The following LRRC3B variants were observed in gnomAD, a reference collection of about 807,000 sequenced individuals.
The protein encoded by LRRC3B is leucine-rich repeat-containing protein 3B.
A neutral mutation model predicts 12.8 loss-of-function variants in LRRC3B; 2 were observed. The ratio of observed to expected loss-of-function variants is 0.16; its 90% CI spans 0.06 to 0.49. The LOEUF is 0.49. LRRC3B is among the 20% of genes least tolerant of loss of function. The probability of loss-of-function intolerance (pLI) is 0.96; values close to 1 mark genes in which losing one functional copy is unlikely to be tolerated. For missense variants in LRRC3B, 189 were observed against 319.4 expected (o/e 0.59, Z 3.11); for synonymous variants, 132 against 122.0 (o/e 1.08, Z -0.54).
chr3:26,646,640 A>G (rs1699156638), intron 1 of LRRC3B, among the ~76,000 whole-genome samples: 1 of 144,388 alleles, frequency 6.9e-6, no homozygotes, highest in Non-Finnish European at 1.5e-5. Context: ...AAAAAAACGG[A>G]TTTTAACATG....
intron 1 of LRRC3B, among the ~76,000 whole-genome samples, chr3:26,657,226 T>G (rs1699390274): frequency 6.6e-6 from 1 of 152,110 alleles, no homozygotes; most frequent in African/African-American, 2.4e-5. Context: ...AATAGTAAAT[T>G]TTATCAAAGA....
intron 1 of LRRC3B, among the ~76,000 whole-genome samples, chr3:26,702,144 G>A (rs1366838067): frequency 6.6e-6 from 1 of 152,272 alleles, no homozygotes. Context: ...GAACCTCATG[G>A]TCTAGCAGTA....
chr3:26,692,251 A>G (rs1700207447), intron 1 of LRRC3B, among the ~76,000 whole-genome samples: 3 of 152,212 alleles, frequency 2.0e-5, no homozygotes, highest in Non-Finnish European at 4.4e-5. Flanking sequence ...TGAGTAAGGC[A>G]AGGTTAATAT....
At chr3:26,662,490 C>T (rs1356237013) in intron 1 of LRRC3B, among the ~76,000 whole-genome samples, 1 of 152,120 alleles carries the variant, frequency 6.6e-6, no homozygotes, top group Non-Finnish European at 1.5e-5. Context: ...CCAGCCCCTC[C>T]TCTGAAATCT....
chr3:26,627,545 G>A (rs1447724425), intron 1 of LRRC3B, among the ~76,000 whole-genome samples: 2 of 152,060 alleles, frequency 1.3e-5, no homozygotes, highest in Non-Finnish European at 2.9e-5. Context: ...GAAGATGGAG[G>A]TGAGGCTTGG....
intron 1 of LRRC3B, among the ~76,000 whole-genome samples, chr3:26,628,863 AT>A (rs1356112961): frequency 7.3e-4 from 108 of 147,794 alleles, no homozygotes; most frequent in African/African-American, 2.6e-3. Context: ...AAAAAAAAAA[AT>A]CCTCCACAAA....
chr3:26,643,014 T>TAAAAAAAAAAA (rs1575120635), intron 1 of LRRC3B, among the ~76,000 whole-genome samples: 1 of 128,680 alleles, frequency 7.8e-6, no homozygotes, highest in African/African-American at 3.7e-5. Flanking sequence ...AGACTCCGTT[T>TAAAAAAAAAAA]CAAAAAAAAA....
chr3:26,709,586 A>G, exon 2 of LRRC3B: 1 of 1,315,662 alleles, frequency 7.6e-7, no homozygotes, highest in Non-Finnish European at 1.1e-6. Flanking sequence ...GCAAGAAGGA[A>G]ATCAATAGTG....
At chr3:26,692,836 G>C (rs975496715) in intron 1 of LRRC3B, among the ~76,000 whole-genome samples, 1 of 152,170 alleles carries the variant, frequency 6.6e-6, no homozygotes, top group Non-Finnish European at 1.5e-5. Context: ...GGTTCTTCTA[G>C]TCTTGGCTCC....
rs193286634 is a variant in LRRC3B, at chr3:26,695,148, G to T, written c.-160-14365G>T. On this transcript the variant is annotated intron_variant, in intron 1 of 1. Transcript: ENST00000396641. ...ATTTGACAACTTTTTATCAGAATTT[G>T]CAGATTGCTTCATTCATTTTGATGT... 1.8e-3 allele frequency among the ~76,000 whole-genome samples: 280 copies of T among 152,148 alleles called. 1 individual carries two copies. Among genetic ancestry groups the T allele is most frequent in the African/African-American group, 6.2e-3 (259 of 41,490 alleles).
At chr3:26,626,626 G>T (rs1452767992) in intron 1 of LRRC3B, among the ~76,000 whole-genome samples, 1 of 152,062 alleles carries the variant, frequency 6.6e-6, no homozygotes, top group Admixed American at 6.6e-5. Flanking sequence ...ATTAGGAAAA[G>T]GCTTTTTATT....
rs1699612772 is a variant in LRRC3B, at chr3:26,666,723, AAT to A, written c.-160-42787_-160-42786del. On this transcript the variant is annotated intron_variant, in intron 1 of 1. Coordinates refer to ENST00000396641, the Ensembl canonical transcript of LRRC3B. ...CATCACTATCAATCAAACTCCAAAC[AAT>A]ATTTGGATGTCACCAGTTTTCCCAC... Among the ~76,000 whole-genome samples, 5 of 152,246 alleles carry A rather than the reference AAT, an allele frequency of 3.3e-5. No individual in the cohort carries two copies. The South Asian group carries it at 1.0e-3, about 32-fold the overall frequency.
Position 26,678,222 on chromosome 3 carries a change from G to A in LRRC3B, c.-160-31291G>A, listed in dbSNP as rs542662944. Among the ~76,000 whole-genome samples, 8 of 152,122 alleles carry A rather than the reference G, an allele frequency of 5.3e-5. No homozygotes were observed. The South Asian group carries it at 8.3e-4, about 16-fold the overall frequency. ...AGAAGTAGTGGAATTCACTGGGTGC[G>A]GTGGATCATGCCTGTAATCCCAGCA... On this transcript the variant is annotated intron_variant, in intron 1 of 1. Transcript: ENST00000396641.
intron 1 of LRRC3B, among the ~76,000 whole-genome samples, chr3:26,696,083 A>T (rs902953301): frequency 1.3e-5 from 2 of 152,262 alleles, no homozygotes; most frequent in Non-Finnish European, 1.5e-5. Context: ...CATGGGAGAC[A>T]ACCTAAATAT....
intron 1 of LRRC3B, among the ~76,000 whole-genome samples, chr3:26,685,531 A>C (rs1186061916): frequency 0.17 from 9,910 of 57,126 alleles, 554 homozygotes; most frequent in Non-Finnish European, 0.25. Context: ...CTCTATATAT[A>C]TATATATATA....
chr3:26,696,074 A>G (rs1435367394), intron 1 of LRRC3B, among the ~76,000 whole-genome samples: 1 of 152,258 alleles, frequency 6.6e-6, no homozygotes, highest in Non-Finnish European at 1.5e-5. Flanking sequence ...ATAGCAAATC[A>G]TGGGAGACAA....
chr3:26,640,025 T>C (rs1005713964), intron 1 of LRRC3B, among the ~76,000 whole-genome samples: 17 of 151,974 alleles, frequency 1.1e-4, no homozygotes, highest in African/African-American at 4.1e-4. Context: ...AGCACAGGAG[T>C]GAATGTTCCT....
At chr3:26,643,482 TAG>T (rs1235598176) in intron 1 of LRRC3B, among the ~76,000 whole-genome samples, 1 of 152,114 alleles carries the variant, frequency 6.6e-6, no homozygotes, top group African/African-American at 2.4e-5. Flanking sequence ...CCTGGGCATT[TAG>T]AGTCATCTCC....
chr3:26,707,402 A>G (rs1436029818), intron 1 of LRRC3B, among the ~76,000 whole-genome samples: 1 of 151,976 alleles, frequency 6.6e-6, no homozygotes, highest in African/African-American at 2.4e-5. Context: ...AATAAAGCTG[A>G]TATACAAACT....
Sources: allele counts gnomAD v4.1 joint callset (sites outside exome capture counted in the v4.1 genomes callset), GRCh38; gene constraint gnomAD v4.1.1; transcripts MANE v1.5; gene names NCBI Gene and HGNC (gene_info 2026-07-23, HGNC 2026-07-21).